WDFY3: variants seen among roughly 807,000 people sequenced by gnomAD.
WDFY3 encodes the protein WD repeat and FYVE domain containing 3.
Under a neutral mutation model 409.6 loss-of-function variants are expected in WDFY3, and 66 were observed. The ratio of observed to expected loss-of-function variants is 0.16; its 90% CI spans 0.13 to 0.20. The LOEUF (loss-of-function observed/expected upper bound fraction) is 0.20. WDFY3 is among the 10% of genes least tolerant of loss of function. The probability of loss-of-function intolerance (pLI) is 1.00; values close to 1 mark genes in which losing one functional copy is unlikely to be tolerated. For missense variants in WDFY3, 3,031 were observed against 4,298.1 expected, an observed-to-expected ratio of 0.71 and a Z score of 8.24; for synonymous variants, 1,521 against 1,537.1, an observed-to-expected ratio of 0.99 and a Z score of 0.25.
rs182647869 is a variant in WDFY3 at position 84,904,763 on chromosome 4, A to G, written c.-131-7753T>C. 3.9e-5 allele frequency among the ~76,000 whole-genome samples: 6 copies of G among 152,322 alleles called. No individual in the cohort carries two copies. The East Asian group carries it at 1.2e-3, about 29-fold the overall frequency. On this transcript the variant is annotated intron_variant, in intron 2 of 67. Transcript: ENST00000295888. The stretch of plus-strand genomic sequence containing the variant: ...CTCTACAACTTTAAATACCATCTGT[A>G]TATCTCCTCCTAACTCTCTGAGCTT...
chr4:84,701,817 T>A (rs1429998994), intron 56 of WDFY3, among the ~76,000 whole-genome samples: 1 of 152,202 alleles, frequency 6.6e-6, no homozygotes, highest in Non-Finnish European at 1.5e-5. Context: ...TATTCTGAAG[T>A]TCTAATTTTA....
At chr4:84,963,411 C>T (rs561167516) in intron 1 of WDFY3, among the ~76,000 whole-genome samples, 1 of 130,282 alleles carries the variant, frequency 7.7e-6, no homozygotes, top group Non-Finnish European at 1.6e-5. Context: ...GGCAACACAG[C>T]AAGACTCCAT....
chr4:84,754,835 G>A (rs1741155887), intron 34 of WDFY3, among the ~76,000 whole-genome samples: 1 of 151,976 alleles, frequency 6.6e-6, no homozygotes, highest in Non-Finnish European at 1.5e-5. Context: ...CATTATATAT[G>A]TACTCATTAT....
intron 7 of WDFY3, among the ~76,000 whole-genome samples, chr4:84,834,289 G>A (rs1756228329): frequency 6.6e-6 from 1 of 152,166 alleles, no homozygotes; most frequent in East Asian, 1.9e-4. Flanking sequence ...ATAGGCAGAA[G>A]GATTCTTACA....
intron 3 of WDFY3, among the ~76,000 whole-genome samples, chr4:84,872,496 T>C (rs1459617878): frequency 6.7e-6 from 1 of 148,618 alleles, no homozygotes; most frequent in Non-Finnish European, 1.5e-5. Flanking sequence ...TATGCTAAGA[T>C]AGGAGATTAA....
intron 3 of WDFY3, among the ~76,000 whole-genome samples, chr4:84,894,044 C>T (rs923860676): frequency 2.0e-5 from 3 of 151,036 alleles, no homozygotes; most frequent in African/African-American, 4.9e-5. Flanking sequence ...TTTAAATGTA[C>T]ATTAAAGACT....
intron 1 of WDFY3, among the ~76,000 whole-genome samples, chr4:84,955,720 C>A (rs1017053905): frequency 2.6e-5 from 4 of 152,046 alleles, no homozygotes; most frequent in Non-Finnish European, 4.4e-5. Flanking sequence ...TAAGGTAATG[C>A]ATATTTAATA....
At chr4:84,754,587 T>C (rs1478773569) in intron 34 of WDFY3, among the ~76,000 whole-genome samples, 2 of 152,212 alleles carry the variant, frequency 1.3e-5, no homozygotes, top group Admixed American at 1.3e-4. Flanking sequence ...CAATCCTAAA[T>C]TGTATAAACA....
At chr4:84,720,216 A>G (rs1734621067) in intron 47 of WDFY3, among the ~76,000 whole-genome samples, 1 of 152,232 alleles carries the variant, frequency 6.6e-6, no homozygotes, top group Admixed American at 6.5e-5. Flanking sequence ...ACAAGTAATT[A>G]TGACATGATA....
chr4:84,859,226 A>T (rs981155646), intron 4 of WDFY3, among the ~76,000 whole-genome samples: 2 of 152,228 alleles, frequency 1.3e-5, no homozygotes, highest in South Asian at 4.1e-4. Context: ...CTTTGAATAA[A>T]TTTAAATTTA....
At chr4:84,924,615 A>C (rs1367997720) in intron 2 of WDFY3, among the ~76,000 whole-genome samples, 1 of 152,200 alleles carries the variant, frequency 6.6e-6, no homozygotes, top group African/African-American at 2.4e-5. Context: ...ACATGCTAGA[A>C]ACCAGAAAAA....
intron 17 of WDFY3, among the ~76,000 whole-genome samples, chr4:84,800,851 T>C (rs1014003250): frequency 1.3e-5 from 2 of 152,178 alleles, no homozygotes; most frequent in African/African-American, 4.8e-5. Context: ...ATGCTACTGC[T>C]GATTTGACAG....
At chr4:84,715,175 ATT>A (rs1733648703) in intron 50 of WDFY3, 121 bp downstream of exon 50, 1 of 567,454 alleles carries the variant, frequency 1.8e-6, no homozygotes, top group Admixed American at 2.9e-5. Context: ...AATAATATAA[ATT>A]ATTTTCTTCA....
chr4:84,720,214 T>G (rs1327553414), intron 47 of WDFY3, among the ~76,000 whole-genome samples: 1 of 152,126 alleles, frequency 6.6e-6, no homozygotes, highest in Non-Finnish European at 1.5e-5. Flanking sequence ...GAACAAGTAA[T>G]TATGACATGA....
chr4:84,726,981 T>C, intron 44 of WDFY3, 70 bp from the exon 45 acceptor site: 4 of 1,399,052 alleles, frequency 2.9e-6, no homozygotes, highest in Non-Finnish European at 3.9e-6. Context: ...AAATAAAATT[T>C]TTCTTGAGGA....
chr4:84,752,434 GGA>G (rs1412579206), intron 35 of WDFY3, among the ~76,000 whole-genome samples: 1 of 151,878 alleles, frequency 6.6e-6, no homozygotes, highest in East Asian at 1.9e-4. Flanking sequence ...TAGAATCACA[GGA>G]GAATCGCTTG....
chr4:84,848,065 TAGA>T (rs1404100949), intron 5 of WDFY3, among the ~76,000 whole-genome samples: 6 of 151,728 alleles, frequency 4.0e-5, no homozygotes, highest in African/African-American at 1.5e-4. Context: ...GTCATCTAAC[TAGA>T]AGGAGAAAAC....
In WDFY3 at chr4:84,821,294, T is replaced by C. The variant is rs1366800400; in HGVS notation, c.1381A>G (p.Lys461Glu). Residue 461 changes from lysine (K) to glutamate (E), a missense_variant, in exon 11 of 68, where the codon AAA becomes GAA. By Grantham distance (56) the Lys-to-Glu change is moderately conservative. Around this residue, in one of 16 missense-constraint regions of WDFY3, gnomAD observed 1,322 missense variants for 1,697.9 expected, o/e 0.78. Transcript: ENST00000295888. ...VVFSLNYIPCKELISVSILLK... is the reference protein window; with the variant it reads ...VVFSLNYIPCEELISVSILLK... ...AGGATACTGACACTAATAAGTTCTT[T>C]ACAAGGTATATAATTTAAGCTAAAA... 1.9e-6 allele frequency: 3 copies of C among 1,613,790 alleles called. No individual in the cohort carries two copies. Among genetic ancestry groups the C allele is most frequent in the Non-Finnish European group, 2.5e-6 (3 of 1,179,842 alleles).
At position 84,691,559 on chromosome 4, in the gene WDFY3, C is replaced by T. The variant is rs559990410; in HGVS notation, c.9204+72G>A. 2.4e-5 allele frequency: 36 copies of T among 1,520,036 alleles called. No homozygotes were observed. In the African/African-American group the frequency reaches 2.9e-4, roughly 12 times the overall value. The allele number at this position is 1,520,036 out of a possible 1,614,324, so 94.2% of individuals were successfully genotyped here. On this transcript the variant is annotated intron_variant, in intron 60 of 67. Coordinates refer to ENST00000295888, the MANE Select transcript of WDFY3 (RefSeq NM_014991.6). The stretch of plus-strand genomic sequence containing the variant: ...GCCCTTGGACTGGGTTCTCCCCAAC[C>T]CTATTAGTCATATAGGATAGCCAGA...
Sources: gnomAD v4.1 joint callset for allele counts (sites outside exome capture counted in the v4.1 genomes callset) on GRCh38, gnomAD v4.1.1 for gene constraint, gnomAD v4.1.1 regional missense constraint, MANE v1.5 for transcripts, NCBI Gene and HGNC (gene_info 2026-07-23, HGNC 2026-07-21) for gene names.